The following TMC7 variants were observed in gnomAD, a reference collection of about 807,000 sequenced individuals.
TMC7 encodes the protein transmembrane channel like 7.
In TMC7, 54 loss-of-function variants were observed where a neutral mutation model predicts 82.9. The ratio of observed to expected loss-of-function variants is 0.65; its 90% CI spans 0.52 to 0.82. The LOEUF (loss-of-function observed/expected upper bound fraction) is 0.82. Ranked by LOEUF, TMC7 falls within the 40% of genes least tolerant of loss-of-function variation. TMC7 has a pLI of 0.00. For missense variants in TMC7, 820 were observed against 901.2 expected, an observed-to-expected ratio of 0.91 and a Z score of 1.15; for synonymous variants, 350 against 337.9, an observed-to-expected ratio of 1.04 and a Z score of -0.39.
In TMC7 at chr16:19,021,696, G is replaced by A. The variant is rs760442073; in HGVS notation, c.528G>A (p.Val176=). 9 of 1,614,096 alleles carry A rather than the reference G, an allele frequency of 5.6e-6. No homozygotes were observed. The East Asian group carries it at 1.8e-4, about 32-fold the overall frequency. ...FLRFLVLLNL[V]IFLIIFMLVL... ...GATTCCTGGTGTTGCTGAATTTGGT[G>A]ATATTTCTGATCATCTTTATGCTGG... Residue 176 remains valine, a synonymous_variant, in exon 4 of 16, where the codon GTG becomes GTA. Transcript: ENST00000304381.
intron 6 of TMC7, among the ~76,000 whole-genome samples, chr16:19,035,389 G>T (rs1960698228): frequency 6.6e-6 from 1 of 152,136 alleles, no homozygotes; most frequent in Admixed American, 6.6e-5. Flanking sequence ...TATTACCAAG[G>T]TTACAAACCT....
intron 1 of TMC7, among the ~76,000 whole-genome samples, chr16:18,997,870 C>T (rs1007404650): frequency 6.6e-6 from 1 of 151,916 alleles, no homozygotes; most frequent in African/African-American, 2.4e-5. Flanking sequence ...GCTGGGACTA[C>T]AGGCACCCAC....
At chr16:19,021,906 T>G in intron 4 of TMC7, 110 bp downstream of exon 4, 2 of 1,306,920 alleles carry the variant, frequency 1.5e-6, no homozygotes, top group Non-Finnish European at 2.1e-6. Context: ...GCGACTGTAT[T>G]AGTCAGGATG....
chr16:19,056,791 G>A, intron 14 of TMC7, 94 bp downstream of exon 14: 3 of 1,380,868 alleles, frequency 2.2e-6, no homozygotes, highest in Non-Finnish European at 3.0e-6. Flanking sequence ...GACTTGACAA[G>A]TTACTGAGCT....
At chr16:19,050,220 A>C (rs1461261572) in intron 12 of TMC7, among the ~76,000 whole-genome samples, 1 of 151,746 alleles carries the variant, frequency 6.6e-6, no homozygotes, top group Non-Finnish European at 1.5e-5. Flanking sequence ...AAATACAAAA[A>C]ATTAGCCGGG....
At chr16:18,993,794 T>C (rs1356190589) in intron 1 of TMC7, among the ~76,000 whole-genome samples, 86 of 152,194 alleles carry the variant, frequency 5.7e-4, no homozygotes, top group Non-Finnish European at 1.5e-5. Context: ...GTATAAATAT[T>C]GACGTGTAGT....
intron 10 of TMC7, 155 bp downstream of exon 10, chr16:19,045,156 C>A: frequency 1.2e-6 from 1 of 840,204 alleles, no homozygotes; most frequent in Non-Finnish European, 2.0e-6. Context: ...TGGAGTCTAA[C>A]CCCAGGCACT....
intron 5 of TMC7, among the ~76,000 whole-genome samples, chr16:19,026,274 A>C (rs1166693498): frequency 6.6e-6 from 1 of 151,840 alleles, no homozygotes; most frequent in Non-Finnish European, 1.5e-5. Flanking sequence ...CAGGAGATCG[A>C]GAGCATCCTG....
intron 9 of TMC7, 94 bp downstream of exon 9, chr16:19,040,540 C>T (rs1272797737): frequency 8.4e-6 from 10 of 1,187,288 alleles, no homozygotes; most frequent in African/African-American, 3.0e-5. Flanking sequence ...AATTGTAGTG[C>T]ATTTTCCTGC....
At chr16:18,992,638 T>C (rs2038972619) in intron 1 of TMC7, among the ~76,000 whole-genome samples, 1 of 152,238 alleles carries the variant, frequency 6.6e-6, no homozygotes, top group Non-Finnish European at 1.5e-5. Flanking sequence ...TCTGTTGCCA[T>C]TGCTTTTGGT....
At chr16:19,028,165 T>C (rs1445250259) in intron 5 of TMC7, among the ~76,000 whole-genome samples, 1 of 152,184 alleles carries the variant, frequency 6.6e-6, no homozygotes, top group Admixed American at 6.6e-5. Context: ...CTGCTATATC[T>C]GTTCTCTTCT....
At chr16:19,050,467 T>C (rs1961486859) in intron 12 of TMC7, among the ~76,000 whole-genome samples, 1 of 150,996 alleles carries the variant, frequency 6.6e-6, no homozygotes, top group Non-Finnish European at 1.5e-5. Context: ...CAGTGCCACA[T>C]GGGGATGTAA....
intron 1 of TMC7, among the ~76,000 whole-genome samples, chr16:19,006,304 G>T (rs1040634337): frequency 9.9e-5 from 15 of 151,810 alleles, no homozygotes; most frequent in Middle Eastern, 3.4e-3. Context: ...GGGTTCAAGC[G>T]ATCCTAAATA....
At chr16:19,049,751 A>T (rs909387552) in intron 12 of TMC7, 1 of 701,914 alleles carries the variant, frequency 1.4e-6, no homozygotes, top group African/African-American at 1.9e-5. Flanking sequence ...GAGGCTGGGC[A>T]CCAAGTATCT....
chr16:19,056,527 T>C lies in TMC7; in HGVS notation c.1872-15T>C. Reference sequence around the variant, plus strand: ...TGCACGCTCCTTCTGAGCCCGTTGGTCTGTGTCCTGGCAGCATCCCTTCCT... The same window carrying C: ...TGCACGCTCCTTCTGAGCCCGTTGGCCTGTGTCCTGGCAGCATCCCTTCCT... On this transcript the variant is annotated splice_polypyrimidine_tract_variant and intron_variant, in intron 13 of 15. Coordinates refer to ENST00000304381, the MANE Select transcript of TMC7 (RefSeq NM_024847.4). The C allele has an allele frequency of 6.2e-7, 1 of 1,611,570 alleles. No homozygotes were observed. Among genetic ancestry groups the C allele is most frequent in the South Asian group, 1.1e-5 (1 of 90,764 alleles).
intron 11 of TMC7, among the ~76,000 whole-genome samples, chr16:19,045,999 A>G (rs1177751563): frequency 6.6e-6 from 1 of 152,120 alleles, no homozygotes; most frequent in Admixed American, 6.6e-5. Context: ...AAGTGCTGGG[A>G]TTACAGGTTT....
intron 2 of TMC7, among the ~76,000 whole-genome samples, chr16:19,010,642 A>G (rs564278657): frequency 6.6e-6 from 1 of 152,352 alleles, no homozygotes; most frequent in South Asian, 2.1e-4. Context: ...ACGCAGCAGA[A>G]TAAATCACCC....
intron 7 of TMC7, 139 bp downstream of exon 7, chr16:19,035,962 T>C: frequency 1.0e-6 from 1 of 956,830 alleles, no homozygotes; most frequent in Non-Finnish European, 1.5e-6. Flanking sequence ...CCTCTGTAGC[T>C]TTCAAGAACG....
rs1327542320 is a variant in TMC7 at position 19,059,664 on chromosome 16, G to A, written c.2106+170G>A. On this transcript the variant is annotated intron_variant, in intron 15 of 15. Coordinates refer to ENST00000304381, the MANE Select transcript of TMC7 (RefSeq NM_024847.4). ...CCGCGTCCAGCTTCATTAATTCACT[G>A]ATTCATCCATTCCTTCAAGATGTGT... 5.2e-6 allele frequency: 8 copies of A among 1,542,164 alleles called. No individual in the cohort carries two copies. In the Admixed American group the frequency reaches 1.6e-4, roughly 30 times the overall value.
Sources: gnomAD v4.1 joint callset for allele counts (sites outside exome capture counted in the v4.1 genomes callset) on GRCh38, gnomAD v4.1.1 for gene constraint, MANE v1.5 for transcripts, NCBI Gene and HGNC (gene_info 2026-07-23, HGNC 2026-07-21) for gene names.